USP6NL: variants seen among roughly 807,000 people sequenced by gnomAD.
USP6NL encodes the protein USP6 N-terminal-like protein.
Under a neutral mutation model 61.9 loss-of-function variants are expected in USP6NL, and 26 were observed. The ratio of observed to expected loss-of-function variants is 0.42; its 90% CI spans 0.31 to 0.58. The LOEUF (loss-of-function observed/expected upper bound fraction) is 0.58. Ranked by LOEUF, USP6NL falls within the 20% of genes least tolerant of loss-of-function variation. The probability of loss-of-function intolerance (pLI) is 0.16; values close to 1 mark genes in which losing one functional copy is unlikely to be tolerated. For missense variants in USP6NL, 1,114 were observed against 1,034.3 expected, an observed-to-expected ratio of 1.08 and a Z score of -1.06; for synonymous variants, 432 against 390.1, an observed-to-expected ratio of 1.11 and a Z score of -1.27.
chr10:11,573,300 C>T (rs934274097), intron 2 of USP6NL, among the ~76,000 whole-genome samples: 2 of 151,986 alleles, frequency 1.3e-5, no homozygotes, highest in African/African-American at 4.8e-5. Context: ...ATTCTTCTAC[C>T]TCCAAAATAC....
At chr10:11,484,593 G>T (rs545329434) in intron 13 of USP6NL, among the ~76,000 whole-genome samples, 11 of 152,116 alleles carry the variant, frequency 7.2e-5, no homozygotes, top group African/African-American at 2.4e-4. Flanking sequence ...TAAGGGGCCT[G>T]GTTTCTTTGG....
chr10:11,475,596 CAAAAAAAAAAAA>C (rs35589300), intron 14 of USP6NL, among the ~76,000 whole-genome samples: 4 of 38,726 alleles, frequency 1.0e-4, no homozygotes, highest in Non-Finnish European at 1.4e-4. Context: ...AACTCTGTCG[CAAAAAAAAAAAA>C]AAAAAAAAAA....
Position 11,597,690 on chromosome 10 carries a change from T to C in USP6NL, c.-56A>G, listed in dbSNP as rs1305317622. 2.2e-5 allele frequency: 32 copies of C among 1,475,822 alleles called. No individual in the cohort carries two copies. In the East Asian group the frequency reaches 7.4e-4, roughly 34 times the overall value. 91.4% of individuals were successfully genotyped at this position (1,475,822 alleles called of 1,614,324 possible). A position where few individuals can be genotyped will look rare whatever the true frequency, so the allele number is the denominator to read the frequency against. ...TCAGATATTAAACCAAAATCTGCTG[T>C]CCAAGGTTTCTCAGAGGAATACATG... On this transcript the variant is annotated 5_prime_UTR_variant, in exon 2 of 15. Coordinates refer to ENST00000609104, the MANE Select transcript of USP6NL (RefSeq NM_014688.5). The surrounding 1 kb of genome is among the most constrained non-coding windows in gnomAD (Gnocchi z 4.6).
At chr10:11,498,524 C>T (rs1442043143) in intron 7 of USP6NL, among the ~76,000 whole-genome samples, 1 of 151,936 alleles carries the variant, frequency 6.6e-6, no homozygotes, top group Non-Finnish European at 1.5e-5. Context: ...GCTCAGTTTC[C>T]TCATGTGTAA....
intron 2 of USP6NL, among the ~76,000 whole-genome samples, chr10:11,568,045 C>T (rs1381187699): frequency 1.3e-5 from 2 of 152,144 alleles, no homozygotes; most frequent in Admixed American, 6.5e-5. Context: ...ATCAGCTTAG[C>T]GGTCACGTGT....
chr10:11,475,596 C>CAA (rs35589300), intron 14 of USP6NL, among the ~76,000 whole-genome samples: 212 of 37,784 alleles, frequency 5.6e-3, no homozygotes, highest in African/African-American at 8.4e-3. Context: ...AACTCTGTCG[C>CAA]AAAAAAAAAA....
At chr10:11,564,803 T>A (rs1837068681) in intron 2 of USP6NL, 1 of 152,218 alleles carries the variant, frequency 6.6e-6, no homozygotes, top group Non-Finnish European at 1.5e-5. Flanking sequence ...GTACCTTCAA[T>A]TACATTGCAG....
chr10:11,519,977 A>T (rs1215411422), intron 4 of USP6NL, among the ~76,000 whole-genome samples: 1 of 152,148 alleles, frequency 6.6e-6, no homozygotes, highest in East Asian at 1.9e-4. Context: ...TTTCAAAGGC[A>T]CTCTTTTTCT....
At chr10:11,497,876 A>T (rs1207430615) in intron 7 of USP6NL, among the ~76,000 whole-genome samples, 10 of 152,196 alleles carry the variant, frequency 6.6e-5, no homozygotes, top group Non-Finnish European at 1.5e-5. Context: ...ACTTTATTTT[A>T]AAAAATGGGA....
In USP6NL at chr10:11,485,312, G is replaced by T; in HGVS notation, c.760-78C>A. 1 of 1,160,590 alleles carries T rather than the reference G, an allele frequency of 8.6e-7. No individual in the cohort carries two copies. Among genetic ancestry groups the T allele is most frequent in the Non-Finnish European group, 1.2e-6 (1 of 835,328 alleles). The allele number at this position is 1,160,590 out of a possible 1,614,324, so 71.9% of individuals were successfully genotyped here. On this transcript the variant is annotated intron_variant, in intron 11 of 14. Transcript: ENST00000609104. This position sits in a 1 kb window ranked among gnomAD's most constrained non-coding sequence, Gnocchi z 4.8. ...AAAATAATACTAAGTTAGGAAGGCT[G>T]TTGGATGCAGCTATCAAAGCTAAAC... is the stretch of plus-strand genomic sequence containing the variant.
Position 11,478,891 on chromosome 10 carries a change from G to A in USP6NL, c.1078+2879C>T, listed in dbSNP as rs1312770632. On this transcript the variant is annotated intron_variant, in intron 14 of 14. Transcript: ENST00000609104. This position sits in a 1 kb window ranked among gnomAD's most constrained non-coding sequence, Gnocchi z 6.8. ...ATCACACTCCAGCCTAGGCAACAGA[G>A]TGAGACCCTGTCTCATGTTTAAAAA... is the stretch of plus-strand genomic sequence containing the variant. Among the ~76,000 whole-genome samples, 1 of 141,804 alleles carries A rather than the reference G, an allele frequency of 7.1e-6. No individual in the cohort carries two copies. The highest frequency in any genetic ancestry group is 1.6e-5 in the Non-Finnish European group (1 of 62,126). The allele number at this position is 141,804 out of a possible 152,430, so 93.0% of individuals were successfully genotyped here.
chr10:11,552,067 G>C (rs1836510245), intron 2 of USP6NL, among the ~76,000 whole-genome samples: 1 of 152,082 alleles, frequency 6.6e-6, no homozygotes, highest in South Asian at 2.1e-4. Flanking sequence ...CTTAAACATT[G>C]CTAATTCCCA....
intron 2 of USP6NL, among the ~76,000 whole-genome samples, chr10:11,570,741 T>A (rs1305848233): frequency 6.6e-6 from 1 of 152,232 alleles, no homozygotes; most frequent in East Asian, 1.9e-4. Flanking sequence ...GAAGAGATGG[T>A]GTGGCTTTAC....
rs1381652950 is a variant in USP6NL, at chr10:11,510,739, C to G, written c.196-1064G>C. 6.6e-6 allele frequency among the ~76,000 whole-genome samples: 1 copy of G among 152,254 alleles called. No homozygotes were observed. The highest frequency in any genetic ancestry group is 1.5e-5 in the Non-Finnish European group (1 of 68,048). On this transcript the variant is annotated intron_variant, in intron 5 of 14. Transcript: ENST00000609104. This position sits in a 1 kb window ranked among gnomAD's most constrained non-coding sequence, Gnocchi z 4.8. ...TATACTCAAGGATGCATGCTCACTG[C>G]AACCCCACGAGGTAGGTATGATTGT... is the stretch of plus-strand genomic sequence containing the variant.
chr10:11,608,940 C>A (rs1838791350), intron 1 of USP6NL, among the ~76,000 whole-genome samples: 1 of 152,186 alleles, frequency 6.6e-6, no homozygotes, highest in African/African-American at 2.4e-5. Flanking sequence ...AGTTGGATTT[C>A]TTTTCAATTA....
At position 11,518,056 on chromosome 10, in the gene USP6NL, T is replaced by C. The variant is rs1222644340; in HGVS notation, c.195+479A>G. 2.0e-5 allele frequency among the ~76,000 whole-genome samples: 3 copies of C among 152,218 alleles called. No individual in the cohort carries two copies. Among genetic ancestry groups the C allele is most frequent in the African/African-American group, 7.2e-5 (3 of 41,450 alleles). ...ACACTTCTCTAAGTACTTAAAATAC[T>C]AAAATACTGACCCACAGAAAACGAT... On this transcript the variant is annotated intron_variant, in intron 5 of 14. Coordinates refer to ENST00000609104, the MANE Select transcript of USP6NL (RefSeq NM_014688.5). This position sits in a 1 kb window ranked among gnomAD's most constrained non-coding sequence, Gnocchi z 5.3.
rs1030729439 is a variant in USP6NL, at chr10:11,587,926, A to G, written c.4+9705T>C. Among the ~76,000 whole-genome samples, 15 of 152,238 alleles carry G rather than the reference A, an allele frequency of 9.9e-5. No homozygotes were observed. Among genetic ancestry groups the G allele is most frequent in the Admixed American group, 6.5e-4 (10 of 15,280 alleles). On this transcript the variant is annotated intron_variant, in intron 2 of 14. Transcript: ENST00000609104. The surrounding 1 kb of genome is among the most constrained non-coding windows in gnomAD (Gnocchi z 4.5). ...TACTTATGCAAGAGATTTGAATCCT[A>G]TTTCAATTCAAGTAGAAATGGGGAA... is the stretch of plus-strand genomic sequence containing the variant.
chr10:11,583,900 G>A (rs1160942320), intron 2 of USP6NL, among the ~76,000 whole-genome samples: 3 of 152,106 alleles, frequency 2.0e-5, no homozygotes, highest in Non-Finnish European at 4.4e-5. Context: ...GTGGTGGAGG[G>A]TGCCTGTGGT....
In USP6NL at chr10:11,562,670, T is replaced by C. The variant is rs1836988540; in HGVS notation, c.4+34961A>G. 1.3e-5 allele frequency: 13 copies of C among 985,458 alleles called. No individual in the cohort carries two copies. Among genetic ancestry groups the C allele is most frequent in the Non-Finnish European group, 1.3e-5 (11 of 829,934 alleles). 61.0% of individuals were successfully genotyped at this position (985,458 alleles called of 1,614,324 possible). ...TGTGACACTCAACATTCATATGTTGTTAGCCACTTGTATTTCTGTAACTTG... is the reference window on the plus strand; with the variant it reads ...TGTGACACTCAACATTCATATGTTGCTAGCCACTTGTATTTCTGTAACTTG... On this transcript the variant is annotated intron_variant, in intron 2 of 14. Coordinates refer to ENST00000609104, the MANE Select transcript of USP6NL (RefSeq NM_014688.5). The surrounding 1 kb of genome is among the most constrained non-coding windows in gnomAD (Gnocchi z 4.8).
Sources: gnomAD v4.1 joint callset for allele counts (sites outside exome capture counted in the v4.1 genomes callset) on GRCh38, gnomAD v4.1.1 for gene constraint, Gnocchi (gnomAD v3.1) non-coding constraint, MANE v1.5 for transcripts, NCBI Gene and HGNC (gene_info 2026-07-23, HGNC 2026-07-21) for gene names.